SVOPL: variants seen among roughly 807,000 people sequenced by gnomAD.
SVOPL encodes SVOP like, also known as putative transporter SVOPL.
In SVOPL, 60 loss-of-function variants were observed where a neutral mutation model predicts 61.0. The ratio of observed to expected loss-of-function variants is 0.98; its 90% CI spans 0.80 to 1.22. The LOEUF (loss-of-function observed/expected upper bound fraction) is 1.22, where lower values mean the gene tolerates loss of function less well. Ranked by LOEUF, SVOPL falls within the 50% of genes most tolerant of loss-of-function variation. SVOPL has a pLI of 0.00. For missense variants in SVOPL, 662 were observed against 643.9 expected (o/e 1.03, Z -0.30); for synonymous variants, 279 against 250.0 (o/e 1.12, Z -1.09).
At chr7:138,647,459 C>T (rs1801174907) in intron 8 of SVOPL, among the ~76,000 whole-genome samples, 1 of 152,020 alleles carries the variant, frequency 6.6e-6, no homozygotes, top group African/African-American at 2.4e-5. Flanking sequence ...GTAGGACCTG[C>T]AGGTAAATTT....
chr7:138,618,266 G>A (rs988444734), intron 14 of SVOPL, among the ~76,000 whole-genome samples: 1 of 152,150 alleles, frequency 6.6e-6, no homozygotes. Context: ...AGTGCTTACT[G>A]TATGTCAAAC....
At chr7:138,645,557 A>AG (rs1801058301) in intron 8 of SVOPL, 1 of 152,904 alleles carries the variant, frequency 6.5e-6, no homozygotes, top group African/African-American at 2.4e-5. Flanking sequence ...CAGCCTCCAC[A>AG]GCAATATGCC....
chr7:138,597,641 C>CGTGTGTGTGTGTGTGTGTGTGTGTGTGT (rs60875635), intron 14 of SVOPL, among the ~76,000 whole-genome samples: 70 of 147,614 alleles, frequency 4.7e-4, no homozygotes, highest in African/African-American at 1.6e-3. Context: ...ATAACGTCTG[C>CGTGTGTGTGTGTGTGTGTGTGTGTGTGT]GTGTGTGTGT....
At chr7:138,622,006 G>GTATC (rs1563095893) in intron 13 of SVOPL, among the ~76,000 whole-genome samples, 269 of 8,810 alleles carry the variant, frequency 0.031, 16 homozygotes, top group Non-Finnish European at 0.044. Context: ...ATCTATCTAT[G>GTATC]TATCTATCTA....
chr7:138,627,746 TTA>T (rs879931023), intron 11 of SVOPL, among the ~76,000 whole-genome samples: 19 of 152,204 alleles, frequency 1.2e-4, no homozygotes, highest in Non-Finnish European at 1.8e-4. Flanking sequence ...TTTAAGTGTT[TTA>T]TATGTTTTCA....
chr7:138,621,790 C>G (rs62485308), intron 13 of SVOPL, among the ~76,000 whole-genome samples: 9,240 of 115,556 alleles, frequency 0.08, 645 homozygotes, highest in Non-Finnish European at 0.12. Flanking sequence ...TTCTATCTAT[C>G]TATCTATCTA....
At chr7:138,618,547 G>C (rs914142727) in intron 14 of SVOPL, among the ~76,000 whole-genome samples, 1 of 152,090 alleles carries the variant, frequency 6.6e-6, no homozygotes, top group Non-Finnish European at 1.5e-5. Flanking sequence ...TGTAATTCCA[G>C]CTATTCGGGA....
At chr7:138,633,227 G>C (rs1800299976) in intron 9 of SVOPL, among the ~76,000 whole-genome samples, 1 of 152,158 alleles carries the variant, frequency 6.6e-6, no homozygotes, top group African/African-American at 2.4e-5. Context: ...TTGGAAGAAA[G>C]TTCGGGTTTC....
intron 9 of SVOPL, among the ~76,000 whole-genome samples, chr7:138,633,677 A>C (rs1448683546): frequency 6.6e-6 from 1 of 151,826 alleles, no homozygotes; most frequent in Non-Finnish European, 1.5e-5. Flanking sequence ...TTTGAGATAC[A>C]TATAATAATG....
chr7:138,672,565 T>C (rs1020530468), intron 3 of SVOPL, among the ~76,000 whole-genome samples: 4 of 150,320 alleles, frequency 2.7e-5, no homozygotes, highest in African/African-American at 9.8e-5. Context: ...GATCTCAAGC[T>C]GGGATAGTAA....
At chr7:138,644,434 A>C (rs1345547850) in intron 9 of SVOPL, among the ~76,000 whole-genome samples, 1 of 152,138 alleles carries the variant, frequency 6.6e-6, no homozygotes, top group African/African-American at 2.4e-5. Context: ...AAAAGAAAAC[A>C]ATCTCCCATC....
intron 1 of SVOPL, among the ~76,000 whole-genome samples, chr7:138,695,824 C>T (rs1400543652): frequency 6.6e-6 from 1 of 152,266 alleles, no homozygotes; most frequent in East Asian, 1.9e-4. Flanking sequence ...CTCTGCCTCA[C>T]CCAGGCTGGA....
chr7:138,691,930 G>A (rs1802952837), intron 1 of SVOPL, among the ~76,000 whole-genome samples: 1 of 151,900 alleles, frequency 6.6e-6, no homozygotes, highest in South Asian at 2.1e-4. Flanking sequence ...GGATTCTCCT[G>A]CCTCAGACTC....
intron 14 of SVOPL, among the ~76,000 whole-genome samples, chr7:138,597,641 C>CGTGTGT (rs60875635): frequency 0.017 from 2,510 of 147,580 alleles, 29 homozygotes; most frequent in South Asian, 0.029. Context: ...ATAACGTCTG[C>CGTGTGT]GTGTGTGTGT....
rs891547746 is a variant in SVOPL, at chr7:138,665,252, T to C, written c.274-2107A>G. Among the ~76,000 whole-genome samples the C allele has an allele frequency of 2.0e-5, 3 of 149,228 alleles. No homozygotes were observed. The Admixed American group carries it at 2.0e-4, about 10-fold the overall frequency. On this transcript the variant is annotated intron_variant, in intron 4 of 15. Coordinates refer to ENST00000674285, the MANE Select transcript of SVOPL (RefSeq NM_001139456.2). ...CTCTCACAAAACACAAGGGCCATCA[T>C]AGCCCCACAATTCTTTAGTTTTCTC...
At position 138,689,734 on chromosome 7, in the gene SVOPL, G is replaced by A. The variant is rs1802898968; in HGVS notation, c.-34-10655C>T. Among the ~76,000 whole-genome samples, 6 of 151,502 alleles carry A rather than the reference G, an allele frequency of 4.0e-5. No individual in the cohort carries two copies. The South Asian group carries it at 1.3e-3, about 32-fold the overall frequency. On this transcript the variant is annotated intron_variant, in intron 1 of 15. Coordinates refer to ENST00000674285, the MANE Select transcript of SVOPL (RefSeq NM_001139456.2). ...TAGCCGGGCACGGTGGCGCACACCTGTAATCCCAGCTACTCAAGAGGCTGA... is the reference window on the plus strand; with the variant it reads ...TAGCCGGGCACGGTGGCGCACACCTATAATCCCAGCTACTCAAGAGGCTGA...
rs192361350 is a variant in SVOPL at position 138,621,320 on chromosome 7, C to T, written c.1264-185G>A. On this transcript the variant is annotated intron_variant, in intron 13 of 15. Transcript: ENST00000674285. The stretch of plus-strand genomic sequence containing the variant: ...CTTTGAATTTTTGGGACAATATCAG[C>T]GAAAAATAAACACTTCAAAATTATC... Among the ~76,000 whole-genome samples, 15 of 152,134 alleles carry T rather than the reference C, an allele frequency of 9.9e-5. No homozygotes were observed. The East Asian group carries it at 1.9e-3, about 20-fold the overall frequency.
intron 7 of SVOPL, among the ~76,000 whole-genome samples, chr7:138,651,116 G>C (rs4442078): frequency 0.2 from 30,598 of 151,782 alleles, 3,717 homozygotes; most frequent in African/African-American, 0.33. Context: ...TCTGGACTTG[G>C]AACCACCAGG....
At chr7:138,666,883 A>C (rs1254069787) in intron 4 of SVOPL, among the ~76,000 whole-genome samples, 1 of 152,172 alleles carries the variant, frequency 6.6e-6, no homozygotes, top group Non-Finnish European at 1.5e-5. Context: ...CAGCCTTGTG[A>C]AACATAAAAC....
Sources: allele counts gnomAD v4.1 joint callset (sites outside exome capture counted in the v4.1 genomes callset), GRCh38; gene constraint gnomAD v4.1.1; transcripts MANE v1.5; gene names NCBI Gene and HGNC (gene_info 2026-07-23, HGNC 2026-07-21).